Variants in COMMD10 observed in about 807,000 individuals in gnomAD.
COMMD10 encodes the protein COMM domain containing 10.
Under a neutral mutation model 28.9 loss-of-function variants are expected in COMMD10, and 33 were observed. The ratio of observed to expected loss-of-function variants is 1.14; its 90% CI spans 0.87 to 1.53. The LOEUF is 1.53. Among genes scored for constraint, COMMD10 ranks in the 40% most tolerant of loss-of-function variants. COMMD10 has a pLI of 0.00. For synonymous variants in COMMD10, 110 were observed against 81.7 expected (o/e 1.35, Z -1.87); for missense variants, 310 against 233.4 (o/e 1.33, Z -2.14).
chr5:116,197,934 T>C (rs1270235135), intron 5 of COMMD10, among the ~76,000 whole-genome samples: 1 of 152,186 alleles, frequency 6.6e-6, no homozygotes, highest in African/African-American at 2.4e-5. Flanking sequence ...CCCAGAACTA[T>C]GGATGCTTTC....
At chr5:116,199,474 C>T (rs1748608744) in intron 5 of COMMD10, among the ~76,000 whole-genome samples, 1 of 151,944 alleles carries the variant, frequency 6.6e-6, no homozygotes. Flanking sequence ...TAATGAAGTC[C>T]AGCTTGTCAC....
intron 5 of COMMD10, among the ~76,000 whole-genome samples, chr5:116,212,041 G>A (rs1208309379): frequency 2.0e-5 from 3 of 152,022 alleles, no homozygotes; most frequent in Admixed American, 6.6e-5. Flanking sequence ...TTGCCATGGT[G>A]CCCTGTACAC....
At chr5:116,231,289 T>G (rs187624310) in intron 5 of COMMD10, among the ~76,000 whole-genome samples, 35 of 152,280 alleles carry the variant, frequency 2.3e-4, no homozygotes, top group Non-Finnish European at 2.4e-4. Flanking sequence ...GATGTAGCAG[T>G]TTTTAATAAT....
chr5:116,245,946 A>G (rs1285158154), intron 5 of COMMD10, among the ~76,000 whole-genome samples: 1 of 152,176 alleles, frequency 6.6e-6, no homozygotes, highest in Non-Finnish European at 1.5e-5. Context: ...GCCCTCTCTC[A>G]CCACTCCTAT....
chr5:116,168,684 A>G (rs190570430), intron 5 of COMMD10, among the ~76,000 whole-genome samples: 2 of 152,202 alleles, frequency 1.3e-5, no homozygotes, highest in Non-Finnish European at 2.9e-5. Context: ...ACTCACTCAA[A>G]ACCACACAAA....
At chr5:116,217,163 C>A (rs1211113432) in intron 5 of COMMD10, among the ~76,000 whole-genome samples, 1 of 150,954 alleles carries the variant, frequency 6.6e-6, no homozygotes, top group African/African-American at 2.4e-5. Flanking sequence ...AAAAAAAAGT[C>A]CCCGCAATCC....
chr5:116,237,826 G>C (rs762792262), intron 5 of COMMD10, among the ~76,000 whole-genome samples: 1 of 152,074 alleles, frequency 6.6e-6, no homozygotes, highest in Admixed American at 6.6e-5. Context: ...TTAAATCTCT[G>C]ATCTGTACTA....
chr5:116,222,318 T>G (rs1404496933), intron 5 of COMMD10, among the ~76,000 whole-genome samples: 1 of 152,202 alleles, frequency 6.6e-6, no homozygotes, highest in African/African-American at 2.4e-5. Flanking sequence ...TTTTAATATT[T>G]TAATTTGGAA....
At chr5:116,185,468 G>A (rs1282716937) in intron 5 of COMMD10, among the ~76,000 whole-genome samples, 2 of 152,004 alleles carry the variant, frequency 1.3e-5, no homozygotes, top group African/African-American at 4.8e-5. Context: ...GCAGGGTCAA[G>A]CAGTCTATTT....
intron 5 of COMMD10, among the ~76,000 whole-genome samples, chr5:116,291,304 G>A (rs1368994847): frequency 1.3e-5 from 2 of 152,168 alleles, no homozygotes; most frequent in Non-Finnish European, 2.9e-5. Context: ...TCAACTTAAA[G>A]GACAGATGTC....
intron 5 of COMMD10, among the ~76,000 whole-genome samples, chr5:116,135,015 C>G (rs965207872): frequency 2.6e-5 from 4 of 152,110 alleles, no homozygotes; most frequent in African/African-American, 9.7e-5. Context: ...CTATGAAATA[C>G]TTTTTGTTAC....
At chr5:116,086,693 C>T (rs1750110209) in intron 1 of COMMD10, among the ~76,000 whole-genome samples, 1 of 152,170 alleles carries the variant, frequency 6.6e-6, no homozygotes, top group Non-Finnish European at 1.5e-5. Flanking sequence ...CTCCTGGCTT[C>T]GGGTGATCTG....
intron 4 of COMMD10, among the ~76,000 whole-genome samples, chr5:116,128,858 T>G (rs185420562): frequency 7.2e-5 from 11 of 152,130 alleles, no homozygotes; most frequent in Admixed American, 7.2e-4. Flanking sequence ...AGATTTAGAT[T>G]GTGATTTTTT....
chr5:116,085,199 C>T (rs752670822), intron 1 of COMMD10, 106 bp downstream of exon 1: 4 of 222,622 alleles, frequency 1.8e-5, no homozygotes, highest in Admixed American at 1.7e-4. Flanking sequence ...GCGGCGGGCC[C>T]GGTTGAGTGG....
At chr5:116,107,706 C>G (rs1750888142) in intron 4 of COMMD10, among the ~76,000 whole-genome samples, 1 of 152,062 alleles carries the variant, frequency 6.6e-6, no homozygotes, top group Non-Finnish European at 1.5e-5. Flanking sequence ...CGTTCTCCGT[C>G]CAGTTTTGTT....
chr5:116,154,473 A>G (rs540588520), intron 5 of COMMD10, among the ~76,000 whole-genome samples: 1 of 152,274 alleles, frequency 6.6e-6, no homozygotes, highest in East Asian at 1.9e-4. Context: ...AAGGGCAAAC[A>G]TGACCTGTTT....
intron 5 of COMMD10, among the ~76,000 whole-genome samples, chr5:116,153,589 T>C (rs190633229): frequency 6.6e-6 from 1 of 152,234 alleles, no homozygotes; most frequent in Admixed American, 6.6e-5. Context: ...CTGTGGGCTT[T>C]TATGTTTTTT....
At chr5:116,264,614 C>T (rs149426241) in intron 5 of COMMD10, among the ~76,000 whole-genome samples, 2 of 152,008 alleles carry the variant, frequency 1.3e-5, no homozygotes, top group East Asian at 1.9e-4. Flanking sequence ...CATCCGTTTA[C>T]ATAACAGACA....
intron 5 of COMMD10, among the ~76,000 whole-genome samples, chr5:116,257,503 A>G (rs899117780): frequency 6.6e-6 from 1 of 151,722 alleles, no homozygotes; most frequent in Non-Finnish European, 1.5e-5. Flanking sequence ...TTTTAGCAAA[A>G]CAATAAGACA....
Sources: allele counts gnomAD v4.1 joint callset (sites outside exome capture counted in the v4.1 genomes callset), GRCh38; gene constraint gnomAD v4.1.1; transcripts MANE v1.5; gene names NCBI Gene and HGNC (gene_info 2026-07-23, HGNC 2026-07-21).